Variants in RAP1GAP2 observed in about 807,000 individuals in gnomAD.
RAP1GAP2 encodes rap1 GTPase-activating protein 2.
Under a neutral mutation model 95.0 loss-of-function variants are expected in RAP1GAP2, and 27 were observed. The ratio of observed to expected loss-of-function variants is 0.28; its 90% CI spans 0.21 to 0.39. RAP1GAP2 has a LOEUF of 0.39. RAP1GAP2 is among the 10% of genes least tolerant of loss of function. The pLI is 1.00. For synonymous variants in RAP1GAP2, 373 were observed against 380.9 expected (o/e 0.98, Z 0.24); for missense variants, 771 against 970.0 (o/e 0.79, Z 2.72).
intron 3 of RAP1GAP2, among the ~76,000 whole-genome samples, chr17:2,951,176 C>T (rs1315660532): frequency 3.3e-5 from 5 of 152,246 alleles, no homozygotes; most frequent in African/African-American, 9.6e-5. Flanking sequence ...GGATGTCTGA[C>T]CCAGAGGCCT....
At chr17:2,962,999 A>AAGGGTGTAAGG in intron 5 of RAP1GAP2, 1 of 537,156 alleles carries the variant, frequency 1.9e-6, no homozygotes, top group Non-Finnish European at 3.3e-6. Context: ...TACCCTGTGC[A>AAGGGTGTAAGG]GTGTGTAAGG....
chr17:2,823,227 C>T (rs1235581068), intron 2 of RAP1GAP2, among the ~76,000 whole-genome samples: 1 of 152,058 alleles, frequency 6.6e-6, no homozygotes, highest in Non-Finnish European at 1.5e-5. Flanking sequence ...CCCTATCGGC[C>T]AGGGAGTCAA....
In RAP1GAP2 at chr17:2,780,009, TG is replaced by T. The variant is rs1483683658; in HGVS notation, c.-14+2735del. The stretch of plus-strand genomic sequence containing the variant: ...AGCTGGGCCTTCCTAGGGCGTAAAC[TG>T]GGGCAGTGTTCGTAGTTCGTGGTAC... On this transcript the variant is annotated intron_variant, in intron 1 of 24. Transcript: ENST00000540393. Among the ~76,000 whole-genome samples, 8 of 152,042 alleles carry T rather than the reference TG, an allele frequency of 5.3e-5. No homozygotes were observed. In the East Asian group the frequency reaches 1.5e-3, roughly 29 times the overall value.
At chr17:2,862,692 A>G (rs1260603744) in intron 2 of RAP1GAP2, among the ~76,000 whole-genome samples, 1 of 152,180 alleles carries the variant, frequency 6.6e-6, no homozygotes, top group Non-Finnish European at 1.5e-5. Flanking sequence ...TGATAGTTAT[A>G]TAACGTTAGA....
At chr17:2,987,561 G>T (rs966201858) in intron 11 of RAP1GAP2, among the ~76,000 whole-genome samples, 17 of 151,894 alleles carry the variant, frequency 1.1e-4, no homozygotes, top group African/African-American at 3.9e-4. Context: ...GGGTTTCACC[G>T]TGTTGGTCAG....
Position 2,903,074 on chromosome 17 carries a change from G to A in RAP1GAP2, c.81-2210G>A, listed in dbSNP as rs1467602592. On this transcript the variant is annotated intron_variant, in intron 2 of 24. Coordinates refer to ENST00000254695, the MANE Select transcript of RAP1GAP2 (RefSeq NM_015085.5). The surrounding 1 kb of genome is among the most constrained non-coding windows in gnomAD (Gnocchi z 4.1). ...AAGGTGCCTGCGAGCCATCTCCAGA[G>A]GCCCTCTGCTAAGCCCAGAGTCGCC... Among the ~76,000 whole-genome samples, 1 of 152,172 alleles carries A rather than the reference G, an allele frequency of 6.6e-6. No homozygotes were observed. Among genetic ancestry groups the A allele is most frequent in the Non-Finnish European group, 1.5e-5 (1 of 68,026 alleles).
At chr17:2,770,568 T>G (rs1271127261) in intron 2 of RAP1GAP2, 2 of 397,028 alleles carry the variant, frequency 5.0e-6, no homozygotes, top group Non-Finnish European at 8.9e-6. Flanking sequence ...TTGCCCTCAG[T>G]GATGGGGAGG....
intron 1 of RAP1GAP2, among the ~76,000 whole-genome samples, chr17:2,769,338 G>GAGGTC (rs2068343951): frequency 6.9e-6 from 1 of 144,766 alleles, no homozygotes; most frequent in Admixed American, 7.0e-5. Context: ...GGCGGATCAC[G>GAGGTC]AGGTCAGGAG....
intron 17 of RAP1GAP2, among the ~76,000 whole-genome samples, chr17:3,010,930 T>G (rs8069242): frequency 0.42 from 64,346 of 151,778 alleles, 14,029 homozygotes; most frequent in Middle Eastern, 0.58. Context: ...ATTTTTTTAT[T>G]TTTTAATTTT....
chr17:2,919,623 A>G (rs1462771566), intron 3 of RAP1GAP2, among the ~76,000 whole-genome samples: 1 of 152,104 alleles, frequency 6.6e-6, no homozygotes. Context: ...TGGGTGGCCC[A>G]TGGTCTGGGG....
rs2151689401 is a variant in RAP1GAP2, at chr17:3,035,997, C to T, written c.*2636C>T. The T allele has an allele frequency of 6.6e-6, 1 of 152,366 alleles. No individual in the cohort carries two copies. Among genetic ancestry groups the T allele is most frequent in the Non-Finnish European group, 1.5e-5 (1 of 68,058 alleles). The allele number at this position is 152,366 out of a possible 1,614,324, so 9.4% of individuals were successfully genotyped here. The stretch of plus-strand genomic sequence containing the variant: ...AGGGGATGTTTTCCGGGACACATCT[C>T]TGGCTCTGGGAACTGCCTGACTCAC... On this transcript the variant is annotated 3_prime_UTR_variant, in exon 25 of 25. Transcript: ENST00000254695. This position sits in a 1 kb window ranked among gnomAD's most constrained non-coding sequence, Gnocchi z 4.3.
chr17:2,844,993 C>T (rs2071524293), intron 2 of RAP1GAP2, among the ~76,000 whole-genome samples: 1 of 152,136 alleles, frequency 6.6e-6, no homozygotes, highest in Non-Finnish European at 1.5e-5. Flanking sequence ...ACGGGGTGGT[C>T]CCCAGGAGGT....
At chr17:2,918,339 A>G (rs1413656474) in intron 3 of RAP1GAP2, among the ~76,000 whole-genome samples, 1 of 149,924 alleles carries the variant, frequency 6.7e-6, no homozygotes. Context: ...AGGCTGAGGC[A>G]GGAGAATCAC....
At chr17:2,969,884 T>G (rs116592051) in intron 8 of RAP1GAP2, among the ~76,000 whole-genome samples, 1,770 of 152,194 alleles carry the variant, frequency 0.012, 37 homozygotes, top group African/African-American at 0.039. Flanking sequence ...TAACAATGTA[T>G]CTTAGAGATT....
Position 2,978,941 on chromosome 17 carries a change from A to G in RAP1GAP2, c.597-1346A>G, listed in dbSNP as rs62092001. Among the ~76,000 whole-genome samples, 54 of 102,034 alleles carry G rather than the reference A, an allele frequency of 5.3e-4. 1 individual carries two copies. The highest frequency in any genetic ancestry group is 1.1e-3 in the South Asian group (4 of 3,752). The allele number at this position is 102,034 out of a possible 152,430, so 66.9% of individuals were successfully genotyped here. Reference sequence around the variant, plus strand: ...CAAGAGCGAAACTCTGTCTCAAATAAATAAATAAATAAATAGGCAACAAGA... The same window carrying G: ...CAAGAGCGAAACTCTGTCTCAAATAGATAAATAAATAAATAGGCAACAAGA... On this transcript the variant is annotated intron_variant, in intron 8 of 24. Coordinates refer to ENST00000254695, the MANE Select transcript of RAP1GAP2 (RefSeq NM_015085.5).
chr17:2,854,375 A>G (rs1722855020), intron 2 of RAP1GAP2, among the ~76,000 whole-genome samples: 1 of 151,916 alleles, frequency 6.6e-6, no homozygotes, highest in Admixed American at 6.6e-5. Context: ...TCGCCCCCAG[A>G]CCCTTTGCAG....
At chr17:2,766,434 G>A (rs565941062) in intron 1 of RAP1GAP2, among the ~76,000 whole-genome samples, 42 of 151,990 alleles carry the variant, frequency 2.8e-4, no homozygotes, top group Non-Finnish European at 5.6e-4. Context: ...TCAGGAGTTC[G>A]AGACCAGCTT....
intron 1 of RAP1GAP2, among the ~76,000 whole-genome samples, chr17:2,782,669 A>G (rs956491029): frequency 1.3e-5 from 2 of 151,902 alleles, no homozygotes; most frequent in African/African-American, 4.8e-5. Context: ...CAGCTCATTT[A>G]CTCCTCAGAA....
At chr17:2,979,975 T>C (rs1434509409) in intron 8 of RAP1GAP2, among the ~76,000 whole-genome samples, 3 of 149,878 alleles carry the variant, frequency 2.0e-5, no homozygotes, top group African/African-American at 7.4e-5. Context: ...AGTCTCACTC[T>C]TGTTGCCCAG....
Sources: gnomAD v4.1 joint callset for allele counts (sites outside exome capture counted in the v4.1 genomes callset) on GRCh38, gnomAD v4.1.1 for gene constraint, Gnocchi (gnomAD v3.1) non-coding constraint, MANE v1.5 for transcripts, NCBI Gene and HGNC (gene_info 2026-07-23, HGNC 2026-07-21) for gene names.